PRKG1: variants seen among roughly 807,000 people sequenced by gnomAD.
The protein encoded by PRKG1 is protein kinase cGMP-dependent 1.
A neutral mutation model predicts 88.1 loss-of-function variants in PRKG1; 35 were observed. That is an observed-to-expected ratio of 0.40 (90% CI 0.30 to 0.53). PRKG1 has a LOEUF of 0.53. Ranked by LOEUF, PRKG1 falls within the 20% of genes least tolerant of loss-of-function variation. The pLI is 0.59. For synonymous variants in PRKG1, 303 were observed against 292.5 expected (o/e 1.04, Z -0.37); for missense variants, 540 against 839.8 (o/e 0.64, Z 4.41).
chr10:51,636,343 A>G (rs1839655653), intron 3 of PRKG1, among the ~76,000 whole-genome samples: 1 of 152,228 alleles, frequency 6.6e-6, no homozygotes, highest in Non-Finnish European at 1.5e-5. Flanking sequence ...TCCATAATCA[A>G]TTCTGTAAAT....
At chr10:51,572,095 T>C (rs1459065570) in intron 3 of PRKG1, among the ~76,000 whole-genome samples, 1 of 151,852 alleles carries the variant, frequency 6.6e-6, no homozygotes, top group African/African-American at 2.4e-5. Context: ...ACACATAAAA[T>C]TAAAATTTTT....
At chr10:51,780,093 G>C (rs188237541) in intron 3 of PRKG1, among the ~76,000 whole-genome samples, 2 of 152,092 alleles carry the variant, frequency 1.3e-5, no homozygotes, top group Non-Finnish European at 2.9e-5. Context: ...TTACAAAGGA[G>C]TAGAAAAACT....
At chr10:51,558,670 C>T (rs1056765318) in intron 3 of PRKG1, among the ~76,000 whole-genome samples, 3 of 152,054 alleles carry the variant, frequency 2.0e-5, no homozygotes, top group African/African-American at 7.2e-5. Flanking sequence ...TTTCATGATA[C>T]AACTATGTTT....
intron 5 of PRKG1, among the ~76,000 whole-genome samples, chr10:52,018,108 A>C (rs1336512261): frequency 1.3e-5 from 2 of 152,160 alleles, no homozygotes; most frequent in Non-Finnish European, 2.9e-5. Context: ...GACTTACAGC[A>C]TGCTTTCTAA....
At chr10:51,591,405 TA>T (rs1228311026) in intron 3 of PRKG1, among the ~76,000 whole-genome samples, 1 of 152,188 alleles carries the variant, frequency 6.6e-6, no homozygotes, top group Non-Finnish European at 1.5e-5. Context: ...TTAGACAAAA[TA>T]AAAATCATTT....
At chr10:51,178,109 C>CT (rs1837246080) in intron 2 of PRKG1, among the ~76,000 whole-genome samples, 2 of 152,080 alleles carry the variant, frequency 1.3e-5, no homozygotes, top group South Asian at 4.1e-4. Flanking sequence ...ACTCAAATGT[C>CT]TGTCTGCTAC....
intron 1 of PRKG1, among the ~76,000 whole-genome samples, chr10:51,093,699 GT>G (rs1844452307): frequency 7.0e-6 from 1 of 142,024 alleles, no homozygotes; most frequent in African/African-American, 2.6e-5. Flanking sequence ...TATTTTATAT[GT>G]ATACTATATA....
intron 3 of PRKG1, among the ~76,000 whole-genome samples, chr10:51,500,176 A>C (rs1840980457): frequency 1.3e-5 from 2 of 152,128 alleles, no homozygotes. Flanking sequence ...CTTTTTCTTG[A>C]CTTCATGTCA....
At chr10:50,992,971 C>T (rs2816834) in intron 1 of PRKG1, among the ~76,000 whole-genome samples, 132,808 of 152,092 alleles carry the variant, frequency 0.87, 58,079 homozygotes, top group East Asian at 0.94. Context: ...AAACTAGTCC[C>T]CCTCTCTCCG....
chr10:51,938,827 A>C (rs114641033), intron 5 of PRKG1, among the ~76,000 whole-genome samples: 1,892 of 152,128 alleles, frequency 0.012, 34 homozygotes, highest in African/African-American at 0.042. Context: ...TAGTTCCTTC[A>C]TCAGGTAAAA....
chr10:51,861,205 C>T (rs550817114), intron 4 of PRKG1, among the ~76,000 whole-genome samples: 1 of 152,286 alleles, frequency 6.6e-6, no homozygotes, highest in South Asian at 2.1e-4. Context: ...TATGCTTAAA[C>T]AAAGACCGCT....
In PRKG1 at chr10:51,683,318, TCAAAACAAAA is replaced by T. The variant is rs201618594; in HGVS notation, c.593-121244_593-121235del. ...CTCTGCAAGGGAGTGAGGCTCTGTC[TCAAAACAAAA>T]CAAAACAAAACAAAACAAAACACCA... On this transcript the variant is annotated intron_variant, in intron 3 of 17. Coordinates refer to ENST00000373980, the MANE Select transcript of PRKG1 (RefSeq NM_006258.4). Among the ~76,000 whole-genome samples the T allele has an allele frequency of 5.5e-3, 837 of 150,930 alleles. 5 individuals are homozygous for T. The highest frequency in any genetic ancestry group is 0.018 in the African/African-American group (737 of 40,978).
At chr10:51,518,786 A>G (rs1011701847) in intron 3 of PRKG1, among the ~76,000 whole-genome samples, 8 of 152,224 alleles carry the variant, frequency 5.3e-5, no homozygotes, top group African/African-American at 1.9e-4. Flanking sequence ...TAAGAATGAC[A>G]TATTGGCTCA....
intron 1 of PRKG1, among the ~76,000 whole-genome samples, chr10:51,135,103 A>G (rs945352658): frequency 6.6e-6 from 1 of 152,210 alleles, no homozygotes; most frequent in Non-Finnish European, 1.5e-5. Flanking sequence ...GACTTTTACA[A>G]AAGTAGAAGT....
intron 6 of PRKG1, among the ~76,000 whole-genome samples, chr10:52,059,712 C>G (rs1846191545): frequency 6.6e-6 from 1 of 151,260 alleles, no homozygotes; most frequent in African/African-American, 2.4e-5. Context: ...GGGAATTAGA[C>G]AAATCTATCC....
chr10:51,655,447 A>G (rs1468430948), intron 3 of PRKG1, among the ~76,000 whole-genome samples: 1 of 152,118 alleles, frequency 6.6e-6, no homozygotes, highest in Middle Eastern at 3.2e-3. Context: ...AATATTTGCA[A>G]TACTTAATCA....
chr10:52,162,103 C>G (rs1210211562), intron 9 of PRKG1, 140 bp downstream of exon 9: 3 of 698,686 alleles, frequency 4.3e-6, no homozygotes, highest in East Asian at 2.8e-5. Flanking sequence ...GCAAACTCTT[C>G]AAGATAATTA....
chr10:51,818,082 G>C (rs935121516), intron 4 of PRKG1, among the ~76,000 whole-genome samples: 2 of 151,968 alleles, frequency 1.3e-5, no homozygotes, highest in African/African-American at 4.8e-5. Flanking sequence ...GCAAGGATTG[G>C]GCCATCTGAA....
At chr10:51,237,639 G>T (rs550340037) in intron 2 of PRKG1, among the ~76,000 whole-genome samples, 25 of 152,220 alleles carry the variant, frequency 1.6e-4, no homozygotes, top group Non-Finnish European at 3.1e-4. Context: ...GAAGTCCTTC[G>T]ATCTTTGAGA....
Sources: allele counts gnomAD v4.1 joint callset (sites outside exome capture counted in the v4.1 genomes callset), GRCh38; gene constraint gnomAD v4.1.1; transcripts MANE v1.5; gene names NCBI Gene and HGNC (gene_info 2026-07-23, HGNC 2026-07-21).